The following TMEM106B variants were observed in gnomAD, a reference collection of about 807,000 sequenced individuals.
TMEM106B encodes transmembrane protein 106B.
A neutral mutation model predicts 31.1 loss-of-function variants in TMEM106B; 15 were observed. The observed-to-expected ratio is 0.48, with a 90% confidence interval of 0.32 to 0.74. The LOEUF is 0.74. TMEM106B is among the 30% of genes least tolerant of loss of function. TMEM106B has a pLI of 0.03. For missense variants in TMEM106B, 283 were observed against 327.3 expected, an observed-to-expected ratio of 0.86 and a Z score of 1.04; for synonymous variants, 126 against 112.5, an observed-to-expected ratio of 1.12 and a Z score of -0.76.
intron 3 of TMEM106B, among the ~76,000 whole-genome samples, chr7:12,223,654 T>C (rs1781832842): frequency 6.6e-6 from 1 of 151,832 alleles, no homozygotes; most frequent in Non-Finnish European, 1.5e-5. Flanking sequence ...AAAACTGCTC[T>C]GGCAGTCAAA....
intron 2 of TMEM106B, chr7:12,215,650 T>A (rs1366896504): frequency 5.2e-6 from 2 of 384,576 alleles, no homozygotes; most frequent in African/African-American, 4.2e-5. Flanking sequence ...ATTCTTGGGC[T>A]CAAGCGATCA....
chr7:12,224,099 T>A (rs17165746), intron 3 of TMEM106B, 127 bp from the exon 4 acceptor site: 85,642 of 808,874 alleles, frequency 0.11, 5,162 homozygotes, highest in African/African-American at 0.2. Flanking sequence ...ATGTGAAAAT[T>A]TGGTAACATT....
rs1782205384 is a variant in TMEM106B, at chr7:12,239,639, A to G, written c.*7664A>G. On this transcript the variant is annotated 3_prime_UTR_variant, in exon 8 of 8. Transcript: ENST00000396668. Reference sequence around the variant, plus strand: ...CTCTTCCTTTTACTTGAACAGTTAGAGGCTATTGTAGGATTATTAATTGGC... The same window carrying G: ...CTCTTCCTTTTACTTGAACAGTTAGGGGCTATTGTAGGATTATTAATTGGC... 1.3e-5 allele frequency: 2 copies of G among 152,198 alleles called. No homozygotes were observed. The highest frequency in any genetic ancestry group is 4.8e-5 in the African/African-American group (2 of 41,546). 9.4% of individuals were successfully genotyped at this position (152,198 alleles called of 1,614,324 possible).
chr7:12,211,663 C>T (rs1442001860), intron 1 of TMEM106B: 1 of 152,438 alleles, frequency 6.6e-6, no homozygotes, highest in Non-Finnish European at 1.5e-5. Context: ...TAGGCCCTCA[C>T]ACCTTGAGCG....
At chr7:12,221,240 ATTATT>A (rs1409700721) in intron 3 of TMEM106B, among the ~76,000 whole-genome samples, 2 of 152,164 alleles carry the variant, frequency 1.3e-5, no homozygotes, top group Non-Finnish European at 2.9e-5. Flanking sequence ...AACTGAAATA[ATTATT>A]TTAAGTGACT....
In TMEM106B at chr7:12,215,083, T is replaced by C. The variant is rs1265510796; in HGVS notation, c.217+56T>C. The C allele has an allele frequency of 6.7e-6, 10 of 1,490,838 alleles. No individual in the cohort carries two copies. In the Admixed American group the frequency reaches 2.0e-4, roughly 29 times the overall value. The allele number at this position is 1,490,838 out of a possible 1,614,324, so 92.4% of individuals were successfully genotyped here. A position where few individuals can be genotyped will look rare whatever the true frequency, so the allele number is the denominator to read the frequency against. The stretch of plus-strand genomic sequence containing the variant: ...ATGATTTTAGGTATTTGCTCAAGTA[T>C]TATAAAAACTGTGGGTCTCAGGAAC... On this transcript the variant is annotated intron_variant, in intron 2 of 7. Transcript: ENST00000396668.
chr7:12,218,052 T>C (rs1487171435), intron 2 of TMEM106B, among the ~76,000 whole-genome samples: 4 of 152,068 alleles, frequency 2.6e-5, no homozygotes, highest in South Asian at 2.1e-4. Context: ...TCTGCAGTGA[T>C]AGAGATGATA....
chr7:12,216,290 G>A (rs1781685741), intron 2 of TMEM106B, among the ~76,000 whole-genome samples: 2 of 151,990 alleles, frequency 1.3e-5, no homozygotes, highest in Admixed American at 6.6e-5. Context: ...TACAGATTAT[G>A]GAAAGTAGGA....
chr7:12,242,379 C>CAAAAAAAAAAAA lies in TMEM106B; in HGVS notation c.*10421_*10432dup, dbSNP rs1169765784. On this transcript the variant is annotated 3_prime_UTR_variant, in exon 8 of 8. Transcript: ENST00000396668. ...TGGGCGACAGAGCGAGACTCCGTCT[C>CAAAAAAAAAAAA]AAAAAAAAAAAAAAAAAAAAAAAAA... is the stretch of plus-strand genomic sequence containing the variant. 2.4e-3 allele frequency: 28 copies of CAAAAAAAAAAAA among 11,656 alleles called. 1 individual carries two copies. The highest frequency in any genetic ancestry group is 2.9e-3 in the Non-Finnish European group (24 of 8,340). 0.7% of individuals were successfully genotyped at this position (11,656 alleles called of 1,614,324 possible). A position where few individuals can be genotyped will look rare whatever the true frequency, so the allele number is the denominator to read the frequency against.
chr7:12,226,366 T>TTTTTGAA (rs1481701333), intron 4 of TMEM106B, among the ~76,000 whole-genome samples: 4 of 152,180 alleles, frequency 2.6e-5, no homozygotes, highest in African/African-American at 9.6e-5. Flanking sequence ...AAGGACCGTG[T>TTTTTGAA]AGCCTTGCCA....
intron 1 of TMEM106B, chr7:12,211,660 T>G (rs1781578985): frequency 6.6e-6 from 1 of 152,434 alleles, no homozygotes; most frequent in Non-Finnish European, 1.5e-5. Context: ...CTCTAGGCCC[T>G]CACACCTTGA....
chr7:12,230,504 AG>A (rs1252942066), intron 6 of TMEM106B, 66 bp downstream of exon 6: 11 of 1,102,398 alleles, frequency 1.0e-5, no homozygotes, highest in Non-Finnish European at 1.5e-5. Context: ...AAGTATAAAG[AG>A]TATACATATT....
intron 2 of TMEM106B, among the ~76,000 whole-genome samples, chr7:12,216,601 G>A (rs1384899471): frequency 6.6e-6 from 1 of 152,176 alleles, no homozygotes; most frequent in Admixed American, 6.5e-5. Flanking sequence ...AAGCTAGTCA[G>A]TGCAGATGGC....
At chr7:12,215,146 C>T in intron 2 of TMEM106B, 119 bp downstream of exon 2, 1 of 744,764 alleles carries the variant, frequency 1.3e-6, no homozygotes, top group Admixed American at 2.8e-5. Context: ...AAAGTTGAAA[C>T]ATCATATCAG....
chr7:12,231,863 G>C lies in TMEM106B; in HGVS notation c.713G>C (p.Gly238Ala), dbSNP rs1360063818. 1.2e-6 allele frequency: 2 copies of C among 1,600,560 alleles called. No individual in the cohort carries two copies. Among genetic ancestry groups the C allele is most frequent in the South Asian group, 2.2e-5 (2 of 89,124 alleles). The change falls in exon 8 of 8, where the codon GGC becomes GCC. Residue 238 changes from glycine (G) to alanine (A), a missense_variant. Coordinates refer to ENST00000396668, the MANE Select transcript of TMEM106B (RefSeq NM_001134232.2). ...GTTACTGTGACAACAACATACTTTGGCCACTCTGAACAGATATCCCAGGAG... is the reference window on the plus strand; with the variant it reads ...GTTACTGTGACAACAACATACTTTGCCCACTCTGAACAGATATCCCAGGAG... The part of the protein sequence containing the change: ...MQVTVTTTYF[G>A]HSEQISQERY...
At position 12,220,943 on chromosome 7, in the gene TMEM106B, T is replaced by C. The variant is rs117619794; in HGVS notation, c.281+2422T>C. Among the ~76,000 whole-genome samples the C allele has an allele frequency of 1.2e-3, 187 of 152,242 alleles. 1 individual carries two copies. Among genetic ancestry groups the C allele is most frequent in the Non-Finnish European group, 2.3e-3 (154 of 68,016 alleles). ...ACCACAGTGTGATATTGACAATATG[T>C]TTTTCTTTGAAAACACCACACACTC... On this transcript the variant is annotated intron_variant, in intron 3 of 7. Coordinates refer to ENST00000396668, the MANE Select transcript of TMEM106B (RefSeq NM_001134232.2).
chr7:12,231,339 CA>C (rs1162298430), intron 7 of TMEM106B: 5 of 437,384 alleles, frequency 1.1e-5, no homozygotes, highest in African/African-American at 6.2e-5. Context: ...CTGGATGTCA[CA>C]AGAGTTCAGG....
Position 12,215,310 on chromosome 7 carries a change from G to C in TMEM106B, c.217+283G>C, listed in dbSNP as rs1465924609. 2.0e-5 allele frequency among the ~76,000 whole-genome samples: 3 copies of C among 151,806 alleles called. No individual in the cohort carries two copies. The East Asian group carries it at 5.8e-4, about 29-fold the overall frequency. The stretch of plus-strand genomic sequence containing the variant: ...ACTGTCTTGTAAATGAAAACTTTTA[G>C]TCCTATTTGGCATCTGTAGAGATGA... On this transcript the variant is annotated intron_variant, in intron 2 of 7. Coordinates refer to ENST00000396668, the MANE Select transcript of TMEM106B (RefSeq NM_001134232.2).
chr7:12,229,744 T>A lies in TMEM106B; in HGVS notation c.507T>A (p.Val169=). The part of the protein sequence containing the change: ...SVEVENITAQ[V]QFSKTVIGKA... The stretch of plus-strand genomic sequence containing the variant: ...AAGTTGAAAACATCACTGCCCAAGT[T>A]CAATTTTCAAAAACAGTTATTGGAA... The change falls in exon 5 of 8, where the codon GTT becomes GTA. Residue 169 remains valine (V), a synonymous_variant. Transcript: ENST00000396668. The A allele has an allele frequency of 3.7e-6, 6 of 1,613,440 alleles. No homozygotes were observed. The highest frequency in any genetic ancestry group is 5.1e-6 in the Non-Finnish European group (6 of 1,179,694).
Sources: allele counts gnomAD v4.1 joint callset (sites outside exome capture counted in the v4.1 genomes callset), GRCh38; gene constraint gnomAD v4.1.1; transcripts MANE v1.5; gene names NCBI Gene and HGNC (gene_info 2026-07-23, HGNC 2026-07-21).